The following MYRIP variants were observed in gnomAD, a reference collection of about 807,000 sequenced individuals.
MYRIP encodes the protein rab effector MyRIP.
In MYRIP, 49 loss-of-function variants were observed where a neutral mutation model predicts 98.0. That is an observed-to-expected ratio of 0.50 (90% CI 0.40 to 0.63). The LOEUF (loss-of-function observed/expected upper bound fraction) is 0.63, where lower values mean the gene tolerates loss of function less well. MYRIP is among the 30% of genes least tolerant of loss of function. The probability of loss-of-function intolerance (pLI) is 0.00; values close to 1 mark genes in which losing one functional copy is unlikely to be tolerated. For synonymous variants in MYRIP, 404 were observed against 409.5 expected, an observed-to-expected ratio of 0.99 and a Z score of 0.16; for missense variants, 1,004 against 1,058.2, an observed-to-expected ratio of 0.95 and a Z score of 0.71.
At chr3:40,251,062 C>T (rs1953362047) in intron 15 of MYRIP, among the ~76,000 whole-genome samples, 1 of 152,168 alleles carries the variant, frequency 6.6e-6, no homozygotes, top group African/African-American at 2.4e-5. Flanking sequence ...AAGTATCTGC[C>T]ACAGTGTCCA....
At chr3:39,891,208 G>A (rs536688344) in intron 1 of MYRIP, among the ~76,000 whole-genome samples, 2 of 151,960 alleles carry the variant, frequency 1.3e-5, no homozygotes, top group Non-Finnish European at 1.5e-5. Flanking sequence ...GCTGCCTAAA[G>A]GTAATGCATA....
At chr3:39,996,164 TC>T (rs1239561881) in intron 2 of MYRIP, among the ~76,000 whole-genome samples, 1 of 152,136 alleles carries the variant, frequency 6.6e-6, no homozygotes, top group Non-Finnish European at 1.5e-5. Context: ...AATGACAGGA[TC>T]AAATTGACAC....
chr3:40,188,677 T>C (rs982065046), intron 9 of MYRIP, among the ~76,000 whole-genome samples: 1 of 152,010 alleles, frequency 6.6e-6, no homozygotes, highest in Non-Finnish European at 1.5e-5. Context: ...CTCAGGAGGC[T>C]GAGGCAGGAG....
At chr3:39,989,304 G>A (rs1343695106) in intron 2 of MYRIP, among the ~76,000 whole-genome samples, 1 of 152,126 alleles carries the variant, frequency 6.6e-6, no homozygotes, top group Non-Finnish European at 1.5e-5. Context: ...GGCTGCTGTG[G>A]TTTGCTGGGG....
intron 2 of MYRIP, among the ~76,000 whole-genome samples, chr3:39,936,990 C>A (rs776449485): frequency 6.6e-6 from 1 of 152,090 alleles, no homozygotes; most frequent in East Asian, 1.9e-4. Context: ...ACAAAGGTTC[C>A]ATGAGGTAGG....
At chr3:40,208,697 T>C (rs573257767) in intron 10 of MYRIP, among the ~76,000 whole-genome samples, 6 of 152,352 alleles carry the variant, frequency 3.9e-5, no homozygotes, top group African/African-American at 1.4e-4. Context: ...TGGTTGACTG[T>C]TAACTTTGAA....
At chr3:40,003,762 G>T (rs1050054475) in intron 2 of MYRIP, among the ~76,000 whole-genome samples, 1 of 152,160 alleles carries the variant, frequency 6.6e-6, no homozygotes, top group African/African-American at 2.4e-5. Flanking sequence ...TGGGATGTTT[G>T]TATTCTTGCT....
At chr3:39,855,071 G>T (rs1249761823) in intron 1 of MYRIP, among the ~76,000 whole-genome samples, 1 of 152,236 alleles carries the variant, frequency 6.6e-6, no homozygotes, top group Non-Finnish European at 1.5e-5. Context: ...GACTTCATGA[G>T]AGTCCTTGGT....
intron 1 of MYRIP, among the ~76,000 whole-genome samples, chr3:39,879,262 A>G (rs1336825750): frequency 6.6e-6 from 1 of 151,928 alleles, no homozygotes; most frequent in East Asian, 1.9e-4. Context: ...TTTCATTTAT[A>G]TAATAGCTCT....
chr3:40,213,507 G>C (rs1952024834), intron 11 of MYRIP, among the ~76,000 whole-genome samples: 1 of 152,130 alleles, frequency 6.6e-6, no homozygotes, highest in Admixed American at 6.5e-5. Flanking sequence ...ATGCTATGCA[G>C]AGTGTAAGTG....
intron 8 of MYRIP, chr3:40,174,178 A>C (rs1347805952): frequency 1.3e-5 from 2 of 152,216 alleles, no homozygotes; most frequent in African/African-American, 4.8e-5. Context: ...CTCCTGGCTT[A>C]ACAGTGTAAC....
intron 3 of MYRIP, among the ~76,000 whole-genome samples, chr3:40,131,004 A>G (rs937399648): frequency 1.3e-5 from 2 of 152,162 alleles, no homozygotes; most frequent in African/African-American, 4.8e-5. Flanking sequence ...TAGACTTGGC[A>G]CTGCAAAATG....
chr3:40,190,999 G>C (rs1349437238), intron 10 of MYRIP, among the ~76,000 whole-genome samples: 1 of 152,192 alleles, frequency 6.6e-6, no homozygotes, highest in Non-Finnish European at 1.5e-5. Context: ...AAGTGAAAGA[G>C]ATGTTTATAA....
intron 2 of MYRIP, among the ~76,000 whole-genome samples, chr3:39,938,768 G>C (rs1221118523): frequency 6.6e-6 from 1 of 152,120 alleles, no homozygotes; most frequent in African/African-American, 2.4e-5. Context: ...AACTCCCAGA[G>C]TGCTGGAATT....
Position 39,828,536 on chromosome 3 carries a change from T to C in MYRIP, c.-31+18620T>C, listed in dbSNP as rs144606925. ...TACAGGTGGTATTTGGTTACATGAG[T>C]AAGTTTTTAGTGGAGATTTGTGAGA... is the stretch of plus-strand genomic sequence containing the variant. On this transcript the variant is annotated intron_variant, in intron 1 of 16. Transcript: ENST00000302541. Among the ~76,000 whole-genome samples, 911 of 152,170 alleles carry C rather than the reference T, an allele frequency of 6.0e-3. 8 individuals are homozygous for C. The highest frequency in any genetic ancestry group is 0.021 in the African/African-American group (864 of 41,500).
At chr3:40,021,861 G>T (rs1426165304) in intron 2 of MYRIP, among the ~76,000 whole-genome samples, 2 of 152,124 alleles carry the variant, frequency 1.3e-5, no homozygotes, top group Admixed American at 1.3e-4. Flanking sequence ...TCCCTTAGTG[G>T]CACTGAAGAT....
chr3:39,892,397 G>A (rs1943510003), intron 1 of MYRIP, among the ~76,000 whole-genome samples: 1 of 152,204 alleles, frequency 6.6e-6, no homozygotes, highest in Non-Finnish European at 1.5e-5. Context: ...GATGGCAGCA[G>A]TTGCTACTCC....
chr3:40,046,325 T>C (rs1947667363), intron 3 of MYRIP, among the ~76,000 whole-genome samples: 2 of 151,990 alleles, frequency 1.3e-5, no homozygotes, highest in Admixed American at 6.6e-5. Context: ...CTGCATGCGC[T>C]ACACTGACGT....
At chr3:39,993,093 C>T (rs115478440) in intron 2 of MYRIP, among the ~76,000 whole-genome samples, 1 of 152,036 alleles carries the variant, frequency 6.6e-6, no homozygotes, top group African/African-American at 2.4e-5. Context: ...TATGGCCAGT[C>T]CAAGATTGAG....
Sources: allele counts gnomAD v4.1 joint callset (sites outside exome capture counted in the v4.1 genomes callset), GRCh38; gene constraint gnomAD v4.1.1; transcripts MANE v1.5; gene names NCBI Gene and HGNC (gene_info 2026-07-23, HGNC 2026-07-21).